Variants in CYP3A7 observed in about 807,000 individuals in gnomAD.
CYP3A7 encodes cytochrome P450 family 3 subfamily A member 7.
Under a neutral mutation model 55.2 loss-of-function variants are expected in CYP3A7, and 45 were observed. The ratio of observed to expected loss-of-function variants is 0.82; its 90% CI spans 0.64 to 1.05. CYP3A7 has a LOEUF of 1.05. Ranked by LOEUF, CYP3A7 falls within the 50% of genes least tolerant of loss-of-function variation. CYP3A7 has a pLI of 0.00. For synonymous variants in CYP3A7, 180 were observed against 207.4 expected (o/e 0.87, Z 1.13); for missense variants, 548 against 605.3 (o/e 0.91, Z 0.99).
At chr7:99,720,257 A>T in intron 4 of CYP3A7, 56 bp downstream of exon 4, 1 of 1,596,104 alleles carries the variant, frequency 6.3e-7, no homozygotes, top group Non-Finnish European at 8.5e-7. Flanking sequence ...TAAGAATTTT[A>T]AAATAAAAAT....
chr7:99,727,067 T>G (rs1001527437), intron 2 of CYP3A7, among the ~76,000 whole-genome samples: 3 of 152,212 alleles, frequency 2.0e-5, no homozygotes, highest in East Asian at 3.8e-4. Flanking sequence ...CCATAAGTCC[T>G]AAATCCTTTC....
chr7:99,709,293 G>A (rs756799091), intron 10 of CYP3A7, 32 bp from the exon 11 acceptor site: 1 of 1,605,760 alleles, frequency 6.2e-7, no homozygotes, highest in Non-Finnish European at 8.5e-7. Flanking sequence ...TGGATAAATT[G>A]AGATTTTTGA....
intron 6 of CYP3A7, among the ~76,000 whole-genome samples, chr7:99,716,148 G>T (rs1040941952): frequency 6.6e-6 from 1 of 152,144 alleles, no homozygotes; most frequent in African/African-American, 2.4e-5. Flanking sequence ...TACCTCTGAG[G>T]TCAAGGAGCC....
At chr7:99,719,827 G>A (rs553770376) in intron 4 of CYP3A7, among the ~76,000 whole-genome samples, 3 of 151,984 alleles carry the variant, frequency 2.0e-5, no homozygotes, top group Admixed American at 6.6e-5. Flanking sequence ...GTGAAACCTC[G>A]TCTCTACTAA....
At chr7:99,713,784 A>G (rs1813839785) in intron 8 of CYP3A7, among the ~76,000 whole-genome samples, 2 of 152,194 alleles carry the variant, frequency 1.3e-5, no homozygotes, top group African/African-American at 4.8e-5. Flanking sequence ...TCCTAACTGC[A>G]TACCCATGAA....
intron 12 of CYP3A7, among the ~76,000 whole-genome samples, chr7:99,706,513 G>T (rs191947960): frequency 6.6e-6 from 1 of 152,340 alleles, no homozygotes; most frequent in Admixed American, 6.5e-5. Context: ...CCTGCTTAAG[G>T]TGTGGAGTTG....
Position 99,709,087 on chromosome 7 carries a change from G to A in CYP3A7, c.1201C>T (p.Leu401Phe), listed in dbSNP as rs1375248111. 6.2e-7 allele frequency: 1 copy of A among 1,613,890 alleles called. No individual in the cohort carries two copies. The highest frequency in any genetic ancestry group is 1.1e-5 in the South Asian group (1 of 91,076). ...GVVVMIPSYV[L>F]HHDPKYWTEP... The stretch of plus-strand genomic sequence containing the variant: ...GTCCAGTACTTTGGGTCATGATGAA[G>A]AACATAGCTTGGAATCATCACCACC... The change falls in exon 11 of 13, where the codon CTT becomes TTT. Residue 401 changes from leucine (L) to phenylalanine (F), a missense_variant. Physicochemically the swap from Leu to Phe is conservative, Grantham distance 22. Coordinates refer to ENST00000336374, the MANE Select transcript of CYP3A7 (RefSeq NM_000765.5).
intron 3 of CYP3A7, 182 bp from the exon 4 acceptor site, chr7:99,720,594 C>A: frequency 1.6e-6 from 1 of 614,194 alleles, no homozygotes. Flanking sequence ...AGGAGCCATC[C>A]AAGTCTTCAT....
chr7:99,720,300 A>G lies in CYP3A7; in HGVS notation c.318+13T>C. The G allele has an allele frequency of 6.2e-7, 1 of 1,611,954 alleles. No individual in the cohort carries two copies. The highest frequency in any genetic ancestry group is 8.5e-7 in the Non-Finnish European group (1 of 1,179,590). On this transcript the variant is annotated intron_variant, in intron 4 of 12. Coordinates refer to ENST00000336374, the MANE Select transcript of CYP3A7 (RefSeq NM_000765.5). ...ATCAATGAGTATTTTAATTTCAAAAAATGGATGCTTACCCTCCGGTTTGTG... is the reference window on the plus strand; with the variant it reads ...ATCAATGAGTATTTTAATTTCAAAAGATGGATGCTTACCCTCCGGTTTGTG...
At chr7:99,720,110 T>C (rs1425176914) in intron 4 of CYP3A7, among the ~76,000 whole-genome samples, 1 of 152,226 alleles carries the variant, frequency 6.6e-6, no homozygotes, top group Non-Finnish European at 1.5e-5. Flanking sequence ...TCAATGTTAA[T>C]TTCCTGTACT....
At position 99,707,573 on chromosome 7, in the gene CYP3A7, G is replaced by A. The variant is rs186055917; in HGVS notation, c.1416+239C>T. 3.6e-3 allele frequency among the ~76,000 whole-genome samples: 547 copies of A among 152,296 alleles called. 7 individuals carry two copies. Among genetic ancestry groups the A allele is most frequent in the Non-Finnish European group, 1.7e-3 (113 of 68,028 alleles). The stretch of plus-strand genomic sequence containing the variant: ...ATTTAATTTTGCTCAAGTTCAAGGA[G>A]ACTGTAGATAATCATGTCATGCTAG... On this transcript the variant is annotated intron_variant, in intron 12 of 12. Coordinates refer to ENST00000336374, the MANE Select transcript of CYP3A7 (RefSeq NM_000765.5).
intron 9 of CYP3A7, among the ~76,000 whole-genome samples, chr7:99,711,506 C>A (rs1236822649): frequency 3.3e-5 from 5 of 152,206 alleles, no homozygotes; most frequent in Non-Finnish European, 7.3e-5. Flanking sequence ...TGGTGGCACA[C>A]ACCTGTAATC....
chr7:99,717,481 A>T lies in CYP3A7; in HGVS notation c.432+45T>A, dbSNP rs758417162. On this transcript the variant is annotated intron_variant, in intron 5 of 12. Transcript: ENST00000336374. Reference sequence around the variant, plus strand: ...CTTACTTTCTACCTGTCCCCACCTGATTCATTCTTTAAGTTTCTAATTAAA... The same window carrying T: ...CTTACTTTCTACCTGTCCCCACCTGTTTCATTCTTTAAGTTTCTAATTAAA... 30 of 1,609,682 alleles carry T rather than the reference A, an allele frequency of 1.9e-5. 1 individual carries two copies. In the South Asian group the frequency reaches 3.3e-4, roughly 18 times the overall value.
At chr7:99,710,632 A>G in intron 10 of CYP3A7, 100 bp downstream of exon 10, 1 of 1,587,726 alleles carries the variant, frequency 6.3e-7, no homozygotes, top group Admixed American at 1.8e-5. Flanking sequence ...TGAAACAATC[A>G]TGATTATGCT....
intron 8 of CYP3A7, 109 bp from the exon 9 acceptor site, chr7:99,713,644 C>A: frequency 6.8e-7 from 1 of 1,464,268 alleles, no homozygotes. Flanking sequence ...CCCTTGGAGA[C>A]CAGAAATCTG....
In CYP3A7 at chr7:99,708,729, A is replaced by G. The variant is rs2030537; in HGVS notation, c.1253+306T>C. Reference sequence around the variant, plus strand: ...TCAGGAAAAAATATTCATTTGTGGGACATAATAATAGCATTGTGATCATGT... The same window carrying G: ...TCAGGAAAAAATATTCATTTGTGGGGCATAATAATAGCATTGTGATCATGT... On this transcript the variant is annotated intron_variant, in intron 11 of 12. Coordinates refer to ENST00000336374, the MANE Select transcript of CYP3A7 (RefSeq NM_000765.5). Among the ~76,000 whole-genome samples, 1,284 of 152,272 alleles carry G rather than the reference A, an allele frequency of 8.4e-3. 16 individuals are homozygous for G. Among genetic ancestry groups the G allele is most frequent in the African/African-American group, 0.03 (1,249 of 41,550 alleles).
intron 9 of CYP3A7, among the ~76,000 whole-genome samples, chr7:99,712,634 A>T (rs756475625): frequency 4.6e-5 from 7 of 152,204 alleles, no homozygotes; most frequent in Non-Finnish European, 8.8e-5. Flanking sequence ...AGATAAATAG[A>T]TGATTGATGG....
At chr7:99,717,743 T>C in intron 4 of CYP3A7, 104 bp from the exon 5 acceptor site, 12 of 1,405,588 alleles carry the variant, frequency 8.5e-6, no homozygotes, top group Admixed American at 2.0e-5. Flanking sequence ...AAATATTTAG[T>C]GACTGTCTAC....
chr7:99,724,438 G>C (rs1370280563), intron 2 of CYP3A7, among the ~76,000 whole-genome samples: 1 of 152,072 alleles, frequency 6.6e-6, no homozygotes, highest in East Asian at 1.9e-4. Context: ...CCTAGTCTCT[G>C]CTCCCAGTGT....
Sources: gnomAD v4.1 joint callset for allele counts (sites outside exome capture counted in the v4.1 genomes callset) on GRCh38, gnomAD v4.1.1 for gene constraint, MANE v1.5 for transcripts, NCBI Gene and HGNC (gene_info 2026-07-23, HGNC 2026-07-21) for gene names.